TRPC3: variants seen among roughly 807,000 people sequenced by gnomAD.
TRPC3 encodes the protein short transient receptor potential channel 3.
Under a neutral mutation model 90.9 loss-of-function variants are expected in TRPC3, and 54 were observed. The ratio of observed to expected loss-of-function variants is 0.59; its 90% confidence interval spans 0.48 to 0.75. TRPC3 has a LOEUF of 0.75. Ranked by LOEUF, TRPC3 falls within the 30% of genes least tolerant of loss-of-function variation. The pLI is 0.00. For synonymous variants in TRPC3, 424 were observed against 450.9 expected, an observed-to-expected ratio of 0.94 and a Z score of 0.75; for missense variants, 918 against 1,194.5, an observed-to-expected ratio of 0.77 and a Z score of 3.41.
chr4:121,938,593 T>C (rs1730206122), intron 1 of TRPC3, among the ~76,000 whole-genome samples: 1 of 152,222 alleles, frequency 6.6e-6, no homozygotes, highest in African/African-American at 2.4e-5. Flanking sequence ...CACTATCATA[T>C]TTAACTCTCA....
At chr4:121,945,374 G>C (rs1018095288) in intron 1 of TRPC3, among the ~76,000 whole-genome samples, 1 of 152,078 alleles carries the variant, frequency 6.6e-6, no homozygotes, top group African/African-American at 2.4e-5. Context: ...GGAGAACAAG[G>C]AATTGCAACA....
chr4:121,904,269 A>G (rs1230443688), intron 8 of TRPC3, 53 bp downstream of exon 8: 1 of 1,503,346 alleles, frequency 6.7e-7, no homozygotes, highest in Non-Finnish European at 9.0e-7. Flanking sequence ...GCAGATGTGT[A>G]CTATCAGAAT....
At chr4:121,883,745 C>T (rs944703240) in intron 10 of TRPC3, among the ~76,000 whole-genome samples, 1 of 152,088 alleles carries the variant, frequency 6.6e-6, no homozygotes, top group Non-Finnish European at 1.5e-5. Context: ...TTTCTATTAA[C>T]AAAATTTTAG....
At chr4:121,918,878 G>A (rs975756309) in intron 3 of TRPC3, among the ~76,000 whole-genome samples, 2 of 152,182 alleles carry the variant, frequency 1.3e-5, no homozygotes, top group African/African-American at 4.8e-5. Context: ...ATGAGTTTTG[G>A]TCTTTTCAAT....
Position 121,951,651 on chromosome 4 carries a change from T to A in TRPC3, c.30A>T (p.Glu10Asp). The A allele has an allele frequency of 7.2e-7, 1 of 1,384,438 alleles. No homozygotes were observed. Among genetic ancestry groups the A allele is most frequent in the Non-Finnish European group, 9.4e-7 (1 of 1,059,670 alleles). The allele number at this position is 1,384,438 out of a possible 1,614,324, so 85.8% of individuals were successfully genotyped here. ...GCGCCGGGAAGGTCACCCTTGCTTG[T>A]TCTTTGCACTTCCTGACCTTGGTGG... is the stretch of plus-strand genomic sequence containing the variant. MSTKVRKCK[E>D]QARVTFPAPE... The change falls in exon 1 of 12, where the codon GAA becomes GAT. Residue 10 changes from glutamate to aspartate, a missense_variant. Physicochemically the swap from Glu to Asp is conservative, Grantham distance 45 (BLOSUM62 2). Coordinates refer to ENST00000379645, the MANE Select transcript of TRPC3 (RefSeq NM_001130698.2). This position sits in a 1 kb window ranked among gnomAD's most constrained non-coding sequence, Gnocchi z 4.4.
intron 7 of TRPC3, 44 bp downstream of exon 7, chr4:121,907,259 G>T: frequency 6.6e-7 from 1 of 1,525,012 alleles, no homozygotes; most frequent in Non-Finnish European, 8.8e-7. Flanking sequence ...AGATTGGTTA[G>T]AATTTCTCTT....
chr4:121,883,385 C>T (rs1413705126), intron 10 of TRPC3, among the ~76,000 whole-genome samples: 1 of 151,954 alleles, frequency 6.6e-6, no homozygotes, highest in Non-Finnish European at 1.5e-5. Context: ...ATTGGTAATG[C>T]TTGTAATTAA....
intron 10 of TRPC3, among the ~76,000 whole-genome samples, chr4:121,890,719 C>T (rs978948204): frequency 6.6e-6 from 1 of 151,364 alleles, no homozygotes; most frequent in African/African-American, 2.4e-5. Context: ...TGGCCAGGTG[C>T]AGTGGCTCAT....
At chr4:121,900,640 G>T (rs1186186199) in intron 9 of TRPC3, among the ~76,000 whole-genome samples, 2 of 152,114 alleles carry the variant, frequency 1.3e-5, no homozygotes, top group Non-Finnish European at 2.9e-5. Context: ...ATTTCTTGAG[G>T]TTCCTTCCTC....
chr4:121,948,644 G>A (rs912778076), intron 1 of TRPC3, among the ~76,000 whole-genome samples: 2 of 152,090 alleles, frequency 1.3e-5, no homozygotes, highest in African/African-American at 4.8e-5. Context: ...ACATATCTAT[G>A]TTCCAACCAA....
Position 121,937,972 on chromosome 4 carries a change from G to A in TRPC3, c.216-4930C>T, listed in dbSNP as rs998696828. On this transcript the variant is annotated intron_variant, in intron 1 of 11. Coordinates refer to ENST00000379645, the MANE Select transcript of TRPC3 (RefSeq NM_001130698.2). ...GGCTGGAGTGTAGTGGGAGGATCTC[G>A]GCTCGCTGCAACTTCTGCCTCCCGG... Among the ~76,000 whole-genome samples, 5 of 151,042 alleles carry A rather than the reference G, an allele frequency of 3.3e-5. No homozygotes were observed. In the East Asian group the frequency reaches 7.8e-4, roughly 23 times the overall value.
intron 7 of TRPC3, among the ~76,000 whole-genome samples, chr4:121,906,700 C>T (rs1728896362): frequency 6.6e-6 from 1 of 152,000 alleles, no homozygotes; most frequent in African/African-American, 2.4e-5. Context: ...TCATGACAAC[C>T]AAACACCACT....
chr4:121,913,961 C>T (rs929155183), intron 4 of TRPC3, among the ~76,000 whole-genome samples: 3 of 152,204 alleles, frequency 2.0e-5, no homozygotes, highest in Admixed American at 1.3e-4. Flanking sequence ...TGCCTTGAAA[C>T]TACCTCTGAC....
rs1318505861 is a variant in TRPC3 at position 121,936,687 on chromosome 4, T to A, written c.216-3645A>T. 5.9e-5 allele frequency among the ~76,000 whole-genome samples: 9 copies of A among 152,178 alleles called. No individual in the cohort carries two copies. In the South Asian group the frequency reaches 1.7e-3, roughly 28 times the overall value. On this transcript the variant is annotated intron_variant, in intron 1 of 11. Transcript: ENST00000379645. ...TCTGATGATGGGATTAGTGCCTTTA[T>A]AGGACAAGAGGGCTTGCTCCCCTCA...
intron 3 of TRPC3, among the ~76,000 whole-genome samples, chr4:121,921,715 C>T (rs1729518876): frequency 6.6e-6 from 1 of 151,832 alleles, no homozygotes; most frequent in African/African-American, 2.4e-5. Context: ...TTGCATATGG[C>T]TGTGGACTAC....
At chr4:121,938,982 TC>T (rs764929280) in intron 1 of TRPC3, among the ~76,000 whole-genome samples, 10 of 152,208 alleles carry the variant, frequency 6.6e-5, no homozygotes, top group African/African-American at 1.9e-4. Context: ...CTTCCCTTGT[TC>T]CCCAGATTCA....
chr4:121,941,494 G>A (rs1730308667), intron 1 of TRPC3, among the ~76,000 whole-genome samples: 1 of 152,202 alleles, frequency 6.6e-6, no homozygotes, highest in African/African-American at 2.4e-5. Context: ...CAGAAGTGGG[G>A]GAAAGTGTTA....
intron 3 of TRPC3, among the ~76,000 whole-genome samples, chr4:121,915,919 G>A (rs1254570619): frequency 6.6e-6 from 1 of 152,092 alleles, no homozygotes; most frequent in African/African-American, 2.4e-5. Flanking sequence ...AATCAACTAT[G>A]AGTGACAACA....
At position 121,878,165 on chromosome 4, in the gene TRPC3, TC is replaced by T. The variant is rs1727820904; in HGVS notation, c.*1570del. Among the ~76,000 whole-genome samples the T allele has an allele frequency of 6.6e-6, 1 of 152,228 alleles. No individual in the cohort carries two copies. The highest frequency in any genetic ancestry group is 1.5e-5 in the Non-Finnish European group (1 of 68,036). Reference sequence around the variant, plus strand: ...TTTGAAAAATGTTTAAGACGAATACTCTTAGCATGGCACAAAAGTTAATGAA... The same window carrying T: ...TTTGAAAAATGTTTAAGACGAATACTTTAGCATGGCACAAAAGTTAATGAA... On this transcript the variant is annotated 3_prime_UTR_variant, in exon 12 of 12. Transcript: ENST00000379645.
Sources: allele counts gnomAD v4.1 joint callset (sites outside exome capture counted in the v4.1 genomes callset), GRCh38; gene constraint gnomAD v4.1.1; non-coding constraint Gnocchi (gnomAD v3.1); transcripts MANE v1.5; gene names NCBI Gene and HGNC (gene_info 2026-07-23, HGNC 2026-07-21).